Variants in ADAMTSL1 observed in about 807,000 individuals in gnomAD.
The protein encoded by ADAMTSL1 is ADAMTS like 1.
Under a neutral mutation model 201.8 loss-of-function variants are expected in ADAMTSL1, and 126 were observed. The ratio of observed to expected loss-of-function variants is 0.62; its 90% CI spans 0.54 to 0.72. The LOEUF (loss-of-function observed/expected upper bound fraction) is 0.72, where lower values mean the gene tolerates loss of function less well. ADAMTSL1 is among the 30% of genes least tolerant of loss of function. ADAMTSL1 has a pLI of 0.00. For synonymous variants in ADAMTSL1, 1,121 were observed against 903.4 expected (o/e 1.24, Z -4.32); for missense variants, 2,679 against 2,277.8 (o/e 1.18, Z -3.59).
intron 8 of ADAMTSL1, among the ~76,000 whole-genome samples, chr9:18,660,062 TCTTA>T (rs1458015803): frequency 1.3e-5 from 2 of 152,194 alleles, no homozygotes; most frequent in Non-Finnish European, 2.9e-5. Flanking sequence ...TTTACATGTA[TCTTA>T]CTTCTTTGGG....
chr9:18,735,444 G>A (rs958657242), intron 15 of ADAMTSL1, among the ~76,000 whole-genome samples: 1 of 152,176 alleles, frequency 6.6e-6, no homozygotes, highest in Admixed American at 6.5e-5. Context: ...GGTTTTCAGA[G>A]CCCCACTATC....
At chr9:18,762,276 G>A (rs1016008580) in intron 16 of ADAMTSL1, among the ~76,000 whole-genome samples, 1 of 152,196 alleles carries the variant, frequency 6.6e-6, no homozygotes, top group African/African-American at 2.4e-5. Context: ...CTAGGTCAGG[G>A]TGGGTTGGAG....
intron 20 of ADAMTSL1, among the ~76,000 whole-genome samples, chr9:18,812,305 G>A (rs539747996): frequency 6.9e-4 from 105 of 152,242 alleles, no homozygotes; most frequent in African/African-American, 2.3e-3. Context: ...TGACAAAAGT[G>A]CAAAAGCAAT....
intron 2 of ADAMTSL1, among the ~76,000 whole-genome samples, chr9:18,343,452 C>G (rs1835562321): frequency 6.6e-6 from 1 of 152,060 alleles, no homozygotes; most frequent in African/African-American, 2.4e-5. Flanking sequence ...AAGCACAAGT[C>G]CAGCAGGAGC....
At chr9:18,457,978 A>G (rs1820670773) in intron 2 of ADAMTSL1, among the ~76,000 whole-genome samples, 1 of 152,190 alleles carries the variant, frequency 6.6e-6, no homozygotes, top group South Asian at 2.1e-4. Context: ...GATCAAATCC[A>G]TTAGATGGAA....
chr9:18,493,485 G>T (rs1822366816), intron 1 of ADAMTSL1, among the ~76,000 whole-genome samples: 1 of 152,126 alleles, frequency 6.6e-6, no homozygotes, highest in African/African-American at 2.4e-5. Context: ...AGCTTCCCAA[G>T]TGCTGCAGAG....
intron 4 of ADAMTSL1, among the ~76,000 whole-genome samples, chr9:18,580,959 C>T (rs967540411): frequency 3.4e-5 from 5 of 145,090 alleles, no homozygotes; most frequent in Non-Finnish European, 6.1e-5. Context: ...ATTTCAATTG[C>T]ATTTTTTTTT....
chr9:18,159,252 AT>A (rs1281645932), intron 1 of ADAMTSL1, among the ~76,000 whole-genome samples: 4 of 151,980 alleles, frequency 2.6e-5, no homozygotes, highest in African/African-American at 9.7e-5. Flanking sequence ...TAGGAAAAAA[AT>A]TTTTAACCGT....
In ADAMTSL1 at chr9:18,297,067, A is replaced by T. The variant is rs150256217; in HGVS notation, c.207+133086A>T. On this transcript the variant is annotated intron_variant, in intron 2 of 29. Transcript: ENST00000680146. ...AAGGAAGTGTTATCACCTGAAGATC[A>T]CATTTTCCAACTGGAATTTGCTGGG... Among the ~76,000 whole-genome samples the T allele has an allele frequency of 7.2e-4, 110 of 152,350 alleles. 2 individuals carry two copies. Among genetic ancestry groups the T allele is most frequent in the African/African-American group, 2.5e-3 (104 of 41,578 alleles).
intron 2 of ADAMTSL1, among the ~76,000 whole-genome samples, chr9:18,435,646 G>A (rs1487020657): frequency 1.3e-5 from 2 of 152,178 alleles, no homozygotes; most frequent in Non-Finnish European, 1.5e-5. Flanking sequence ...CCAGGACAGA[G>A]AGCAGAGGAA....
intron 1 of ADAMTSL1, among the ~76,000 whole-genome samples, chr9:18,012,518 G>A (rs956905340): frequency 2.6e-5 from 4 of 152,064 alleles, no homozygotes; most frequent in African/African-American, 9.7e-5. Context: ...GGCTGGGCTT[G>A]TGCTGGAGCC....
chr9:17,966,862 A>T (rs909511003), intron 1 of ADAMTSL1, among the ~76,000 whole-genome samples: 4 of 152,276 alleles, frequency 2.6e-5, no homozygotes, highest in Non-Finnish European at 4.4e-5. Context: ...GAAAAAAAGA[A>T]AAAGGGTGTA....
intron 13 of ADAMTSL1, among the ~76,000 whole-genome samples, chr9:18,703,222 A>C (rs896789501): frequency 3.3e-5 from 5 of 152,124 alleles, no homozygotes; most frequent in African/African-American, 1.2e-4. Context: ...TGAGACTTCT[A>C]AACATTAGAA....
intron 4 of ADAMTSL1, among the ~76,000 whole-genome samples, chr9:18,594,452 G>C (rs1193357743): frequency 1.3e-5 from 2 of 152,016 alleles, no homozygotes; most frequent in Non-Finnish European, 2.9e-5. Context: ...TTTAACACCA[G>C]TAACTCAAAT....
intron 1 of ADAMTSL1, among the ~76,000 whole-genome samples, chr9:18,007,661 A>G (rs1401615979): frequency 1.3e-5 from 2 of 151,986 alleles, no homozygotes; most frequent in Non-Finnish European, 2.9e-5. Flanking sequence ...GGTAATGGGG[A>G]TGATTATGGC....
intron 21 of ADAMTSL1, among the ~76,000 whole-genome samples, chr9:18,818,082 A>T (rs1162191013): frequency 6.6e-6 from 1 of 152,228 alleles, no homozygotes; most frequent in Admixed American, 6.5e-5. Flanking sequence ...ACCTACATAT[A>T]GCAGAATGAG....
intron 2 of ADAMTSL1, among the ~76,000 whole-genome samples, chr9:18,298,584 C>T (rs1454596124): frequency 3.3e-5 from 5 of 151,438 alleles, no homozygotes; most frequent in Admixed American, 2.0e-4. Flanking sequence ...TTGTGAGCAA[C>T]ACTGAGCAAG....
intron 3 of ADAMTSL1, among the ~76,000 whole-genome samples, chr9:18,562,381 A>C (rs891253070): frequency 2.0e-5 from 3 of 152,160 alleles, no homozygotes; most frequent in African/African-American, 7.2e-5. Context: ...TTCTGCAGAG[A>C]GATCTGCTGT....
At chr9:18,630,383 T>C (rs116521073) in intron 5 of ADAMTSL1, among the ~76,000 whole-genome samples, 50 of 152,336 alleles carry the variant, frequency 3.3e-4, no homozygotes, top group African/African-American at 1.2e-3. Flanking sequence ...CTCACACTTA[T>C]GTATTGATTA....
Sources: allele counts gnomAD v4.1 joint callset (sites outside exome capture counted in the v4.1 genomes callset), GRCh38; gene constraint gnomAD v4.1.1; transcripts MANE v1.5; gene names NCBI Gene and HGNC (gene_info 2026-07-23, HGNC 2026-07-21).